Variants in SLC2A10 observed in about 807,000 individuals in gnomAD.
The protein encoded by SLC2A10 is solute carrier family 2, facilitated glucose transporter member 10.
SLC2A10 carries 25 observed loss-of-function variants against 32.1 expected under a neutral mutation model. That is an observed-to-expected ratio of 0.78 (90% CI 0.57 to 1.09). The LOEUF (loss-of-function observed/expected upper bound fraction) is 1.09. Among genes scored for constraint, SLC2A10 ranks in the 50% least tolerant of loss-of-function variants. The pLI is 0.00. For synonymous variants in SLC2A10, 332 were observed against 309.6 expected (o/e 1.07, Z -0.76); for missense variants, 673 against 686.5 (o/e 0.98, Z 0.22).
At chr20:46,716,087 C>G (rs767393628) in intron 1 of SLC2A10, among the ~76,000 whole-genome samples, 1 of 152,104 alleles carries the variant, frequency 6.6e-6, no homozygotes, top group Non-Finnish European at 1.5e-5. Flanking sequence ...TGCTTTACCC[C>G]CCTGATGATC....
chr20:46,721,820 C>T (rs1392872736), intron 1 of SLC2A10, among the ~76,000 whole-genome samples: 2 of 152,214 alleles, frequency 1.3e-5, no homozygotes, highest in African/African-American at 2.4e-5. Flanking sequence ...TAGCAATTCC[C>T]TGAGACCCAC....
chr20:46,716,981 C>T (rs1979285698), intron 1 of SLC2A10, among the ~76,000 whole-genome samples: 1 of 152,124 alleles, frequency 6.6e-6, no homozygotes. Flanking sequence ...CGGAATTACG[C>T]CACTGCGCTC....
At chr20:46,710,234 A>T in intron 1 of SLC2A10, 1 of 401,800 alleles carries the variant, frequency 2.5e-6, no homozygotes, top group Non-Finnish European at 4.4e-6. Flanking sequence ...AGAGAAGGAG[A>T]TTCTAACACA....
chr20:46,717,014 C>T lies in SLC2A10; in HGVS notation c.4+7274C>T, dbSNP rs951208922. On this transcript the variant is annotated intron_variant, in intron 1 of 4. Transcript: ENST00000359271. ...CTCCAGCCTGGGAAACAGAGTAAGA[C>T]TGTCTAAAAAAAAAGAAAAGAAATT... Among the ~76,000 whole-genome samples the T allele has an allele frequency of 9.9e-5, 15 of 152,096 alleles. No individual in the cohort carries two copies. In the East Asian group the frequency reaches 2.9e-3, roughly 29 times the overall value.
intron 4 of SLC2A10, among the ~76,000 whole-genome samples, chr20:46,733,423 C>T (rs1240311077): frequency 1.3e-5 from 2 of 152,178 alleles, no homozygotes; most frequent in East Asian, 1.9e-4. Context: ...ACCTCCAACA[C>T]GGAATTACAA....
Position 46,725,444 on chromosome 20 carries a change from G to T in SLC2A10, c.408G>T (p.Val136=), listed in dbSNP as rs1979845966. 6.2e-7 allele frequency: 1 copy of T among 1,614,128 alleles called. No individual in the cohort carries two copies. The highest frequency in any genetic ancestry group is 2.2e-5 in the East Asian group (1 of 44,880). The stretch of plus-strand genomic sequence containing the variant: ...GGCCACGGCAGCGGGGAGTGCTGGT[G>T]TCCCTCTATGAGGCAGGCATCACCG... ...LVGPRQRGVL[V]SLYEAGITVG... is the part of the protein sequence containing the mutation. Residue 136 remains valine (V), a synonymous_variant, in exon 2 of 5, where the codon GTG becomes GTT. Coordinates refer to ENST00000359271, the MANE Select transcript of SLC2A10 (RefSeq NM_030777.4).
At chr20:46,731,519 A>G (rs911502507) in intron 4 of SLC2A10, among the ~76,000 whole-genome samples, 1 of 152,232 alleles carries the variant, frequency 6.6e-6, no homozygotes, top group Non-Finnish European at 1.5e-5. Flanking sequence ...CAACGGAGGC[A>G]GAAACGCTGG....
Position 46,735,499 on chromosome 20 carries a change from T to C in SLC2A10, c.*1665T>C, listed in dbSNP as rs936855175. On this transcript the variant is annotated 3_prime_UTR_variant, in exon 5 of 5. Coordinates refer to ENST00000359271, the MANE Select transcript of SLC2A10 (RefSeq NM_030777.4). ...TTCATTACTTAATTTTACTACCTGT[T>C]ACTATTATCTGTGCTTTTGAGGCTA... 6.6e-6 allele frequency: 1 copy of C among 152,276 alleles called. No homozygotes were observed. The highest frequency in any genetic ancestry group is 2.4e-5 in the African/African-American group (1 of 41,470). 9.4% of individuals were successfully genotyped at this position (152,276 alleles called of 1,614,324 possible).
At chr20:46,724,545 G>A (rs1250040443) in intron 1 of SLC2A10, among the ~76,000 whole-genome samples, 1 of 152,076 alleles carries the variant, frequency 6.6e-6, no homozygotes, top group Non-Finnish European at 1.5e-5. Context: ...TGGATGGATG[G>A]GTGGTTGAAT....
chr20:46,719,233 T>G (rs1232748305), intron 1 of SLC2A10, among the ~76,000 whole-genome samples: 2 of 152,162 alleles, frequency 1.3e-5, no homozygotes, highest in African/African-American at 4.8e-5. Flanking sequence ...GGCTTAGTTT[T>G]GCTATTTGGC....
At chr20:46,718,900 T>C (rs1000400118) in intron 1 of SLC2A10, among the ~76,000 whole-genome samples, 1 of 152,164 alleles carries the variant, frequency 6.6e-6, no homozygotes, top group African/African-American at 2.4e-5. Flanking sequence ...CTCAGCCTCC[T>C]GATTAGCTGG....
intron 4 of SLC2A10, among the ~76,000 whole-genome samples, chr20:46,730,554 G>A (rs1465559467): frequency 2.6e-5 from 4 of 152,172 alleles, no homozygotes; most frequent in Non-Finnish European, 5.9e-5. Flanking sequence ...TAAGCAGAAG[G>A]AACAGCAAGT....
intron 1 of SLC2A10, among the ~76,000 whole-genome samples, chr20:46,714,279 T>C (rs937068861): frequency 6.6e-6 from 1 of 152,150 alleles, no homozygotes; most frequent in African/African-American, 2.4e-5. Context: ...TTCACCCACG[T>C]GGTATTCACC....
rs746480018 is a variant in SLC2A10 at position 46,733,809 on chromosome 20, G to T, written c.1601G>T (p.Arg534Leu). Residue 534 changes from arginine to leucine, a missense_variant, in exon 5 of 5, where the codon CGC becomes CTC. Transcript: ENST00000359271. ...RQNSTGIPYSRIEISAAS is the reference protein window; with the variant it reads ...RQNSTGIPYSLIEISAAS ...AACTCCACTGGCATCCCGTACAGCC[G>T]CATCGAGATCTCTGCGGCCTCCTGA... 6 of 1,614,020 alleles carry T rather than the reference G, an allele frequency of 3.7e-6. No individual in the cohort carries two copies. Among genetic ancestry groups the T allele is most frequent in the Non-Finnish European group, 5.1e-6 (6 of 1,180,018 alleles).
chr20:46,723,104 T>C (rs1450490413), intron 1 of SLC2A10, among the ~76,000 whole-genome samples: 1 of 152,178 alleles, frequency 6.6e-6, no homozygotes, highest in Non-Finnish European at 1.5e-5. Flanking sequence ...TGACAATCCA[T>C]TGTTGGTATG....
At chr20:46,730,980 TG>T (rs1980265170) in intron 4 of SLC2A10, among the ~76,000 whole-genome samples, 1 of 152,200 alleles carries the variant, frequency 6.6e-6, no homozygotes, top group Non-Finnish European at 1.5e-5. Flanking sequence ...TGGATCCTAA[TG>T]TAAGAACCTG....
At chr20:46,714,672 G>A (rs2123005634) in intron 1 of SLC2A10, 1 of 152,992 alleles carries the variant, frequency 6.5e-6, no homozygotes, top group African/African-American at 2.4e-5. Context: ...GCGGGGCTGT[G>A]GCGACAGAGT....
chr20:46,721,224 G>A (rs1007719334), intron 1 of SLC2A10, among the ~76,000 whole-genome samples: 1 of 152,170 alleles, frequency 6.6e-6, no homozygotes, highest in Admixed American at 6.5e-5. Flanking sequence ...CCACATAAAG[G>A]CATAACACCA....
intron 2 of SLC2A10, 120 bp downstream of exon 2, chr20:46,726,444 C>G: frequency 6.9e-7 from 1 of 1,454,612 alleles, no homozygotes; most frequent in South Asian, 1.2e-5. Context: ...GGTGGGTTGA[C>G]CATGAAGCCT....
Sources: allele counts gnomAD v4.1 joint callset (sites outside exome capture counted in the v4.1 genomes callset), GRCh38; gene constraint gnomAD v4.1.1; transcripts MANE v1.5; gene names NCBI Gene and HGNC (gene_info 2026-07-23, HGNC 2026-07-21).